PGD: variants seen among roughly 807,000 people sequenced by gnomAD.
PGD encodes the protein phosphogluconate dehydrogenase.
Under a neutral mutation model 60.4 loss-of-function variants are expected in PGD, and 21 were observed. That is an observed-to-expected ratio of 0.35 (90% confidence interval 0.25 to 0.50). The LOEUF (loss-of-function observed/expected upper bound fraction) is 0.50, where lower values mean the gene tolerates loss of function less well. PGD is among the 20% of genes least tolerant of loss of function. The pLI is 0.98. For missense variants in PGD, 477 were observed against 613.1 expected, an observed-to-expected ratio of 0.78 and a Z score of 2.34; for synonymous variants, 230 against 235.9, an observed-to-expected ratio of 0.97 and a Z score of 0.23.
At chr1:10,412,601 A>C (rs1639517842) in intron 7 of PGD, among the ~76,000 whole-genome samples, 1 of 152,238 alleles carries the variant, frequency 6.6e-6, no homozygotes, top group South Asian at 2.1e-4. Flanking sequence ...CGAGTGCTTT[A>C]CTATATGCCA....
rs142347855 is a variant in PGD at position 10,420,339 on chromosome 1, A to G, written c.*590A>G. Reference sequence around the variant, plus strand: ...ACACTGGGCATGTTTTCTTTCTCCAATTGGGCAATGGGTACATGGACGTTC... The same window carrying G: ...ACACTGGGCATGTTTTCTTTCTCCAGTTGGGCAATGGGTACATGGACGTTC... On this transcript the variant is annotated 3_prime_UTR_variant, in exon 13 of 13. Transcript: ENST00000270776. Among the ~76,000 whole-genome samples, 642 of 149,934 alleles carry G rather than the reference A, an allele frequency of 4.3e-3. 1 individual carries two copies. Among genetic ancestry groups the G allele is most frequent in the Middle Eastern group, 0.014 (4 of 284 alleles).
chr1:10,408,574 T>TG lies in PGD; in HGVS notation c.519+437dup. 2.6e-5 allele frequency among the ~76,000 whole-genome samples: 4 copies of TG among 152,264 alleles called. No individual in the cohort carries two copies. In the East Asian group the frequency reaches 7.7e-4, roughly 29 times the overall value. Reference sequence around the variant, plus strand: ...GTGGAAAATTCCCCATCCTGTAGTGTGGGATTCAGGCATTCTGTGCTTGAA... The same window carrying TG: ...GTGGAAAATTCCCCATCCTGTAGTGTGGGGATTCAGGCATTCTGTGCTTGAA... On this transcript the variant is annotated intron_variant, in intron 6 of 12. Transcript: ENST00000270776.
chr1:10,399,613 G>A lies in PGD; in HGVS notation c.9-16G>A. On this transcript the variant is annotated splice_polypyrimidine_tract_variant and intron_variant, in intron 1 of 12. Coordinates refer to ENST00000270776, the MANE Select transcript of PGD (RefSeq NM_002631.4). ...CGGTGCTGACTCTTTCCTTTGTTCT[G>A]TTTCTGCCTCTCTAGAGCTGACATC... 6.2e-7 allele frequency: 1 copy of A among 1,612,174 alleles called. No homozygotes were observed. The highest frequency in any genetic ancestry group is 8.5e-7 in the Non-Finnish European group (1 of 1,179,100).
At chr1:10,419,385 C>G (rs1639650258) in intron 11 of PGD, 32 bp from the exon 12 acceptor site, 1 of 1,602,682 alleles carries the variant, frequency 6.2e-7, no homozygotes, top group Non-Finnish European at 8.5e-7. Context: ...AGGGGCAGAT[C>G]ACTAATCTCT....
chr1:10,417,605 T>C, intron 10 of PGD, 96 bp downstream of exon 10: 1 of 1,279,818 alleles, frequency 7.8e-7, no homozygotes, highest in Non-Finnish European at 1.1e-6. Context: ...TTTCCAGGGA[T>C]GGGCACTTAG....
intron 3 of PGD, among the ~76,000 whole-genome samples, chr1:10,401,664 T>C (rs1639318177): frequency 6.6e-6 from 1 of 152,194 alleles, no homozygotes; most frequent in East Asian, 1.9e-4. Context: ...TATTCTTCAG[T>C]ATAGGAAAAT....
chr1:10,419,337 AC>A, intron 11 of PGD, 79 bp from the exon 12 acceptor site: 1 of 1,539,762 alleles, frequency 6.5e-7, no homozygotes, highest in African/African-American at 1.4e-5. Context: ...TTTTTCATTT[AC>A]CCACATTGAT....
chr1:10,403,590 G>GA (rs71583866), intron 4 of PGD, among the ~76,000 whole-genome samples: 942 of 67,044 alleles, frequency 0.014, 36 homozygotes, highest in African/African-American at 0.038. Flanking sequence ...AACTCCATCT[G>GA]AAAAAAAAAA....
intron 8 of PGD, among the ~76,000 whole-genome samples, chr1:10,414,524 G>T (rs956381493): frequency 4.0e-5 from 6 of 151,766 alleles, no homozygotes; most frequent in African/African-American, 1.5e-4. Context: ...ACAGGCATGC[G>T]CTACCATGCC....
intron 7 of PGD, among the ~76,000 whole-genome samples, chr1:10,412,527 ATTC>A (rs2124205559): frequency 1.3e-5 from 2 of 152,284 alleles, no homozygotes; most frequent in Non-Finnish European, 2.9e-5. Flanking sequence ...AAACAGTGCT[ATTC>A]TTTTTGTGTT....
intron 3 of PGD, among the ~76,000 whole-genome samples, chr1:10,401,275 A>G (rs921881951): frequency 1.2e-4 from 18 of 152,226 alleles, no homozygotes; most frequent in African/African-American, 3.6e-4. Flanking sequence ...GTACCAAACA[A>G]TTTGTTGGCT....
rs1004318398 is a variant in PGD at position 10,399,538 on chromosome 1, G to A, written c.9-91G>A. ...GCGCGGAGGAAAGTGCAGACTCCCA[G>A]TCACGGCCAAATGTGGAAGGACCGG... On this transcript the variant is annotated intron_variant, in intron 1 of 12. Transcript: ENST00000270776. 6.1e-5 allele frequency: 73 copies of A among 1,202,106 alleles called. No homozygotes were observed. The Admixed American group carries it at 1.2e-3, about 20-fold the overall frequency. The allele number at this position is 1,202,106 out of a possible 1,614,324, so 74.5% of individuals were successfully genotyped here.
At chr1:10,402,399 C>G (rs766003344) in intron 3 of PGD, among the ~76,000 whole-genome samples, 10 of 151,760 alleles carry the variant, frequency 6.6e-5, no homozygotes, top group Non-Finnish European at 1.3e-4. Context: ...GTGTGCAGCT[C>G]TGGCCACAGA....
intron 8 of PGD, among the ~76,000 whole-genome samples, chr1:10,416,207 C>T (rs576568639): frequency 1.3e-5 from 2 of 152,286 alleles, no homozygotes; most frequent in East Asian, 3.9e-4. Flanking sequence ...GATCCTCCCA[C>T]CTCAGCCTGC....
At position 10,399,720 on chromosome 1, in the gene PGD, G is replaced by A. The variant is rs769909729; in HGVS notation, c.84+16G>A. 2 of 1,612,296 alleles carry A rather than the reference G, an allele frequency of 1.2e-6. No homozygotes were observed. Among genetic ancestry groups the A allele is most frequent in the Admixed American group, 1.7e-5 (1 of 60,024 alleles). The stretch of plus-strand genomic sequence containing the variant: ...CGGCTTTGTGGTAAGCGGCGTGGGC[G>A]CGTTGTCTTCTCTCTGGTTCCCGGG... On this transcript the variant is annotated intron_variant, in intron 2 of 12. Coordinates refer to ENST00000270776, the MANE Select transcript of PGD (RefSeq NM_002631.4).
chr1:10,412,602 C>A (rs778067786), intron 7 of PGD, among the ~76,000 whole-genome samples: 1 of 152,190 alleles, frequency 6.6e-6, no homozygotes, highest in South Asian at 2.1e-4. Context: ...GAGTGCTTTA[C>A]TATATGCCAA....
chr1:10,418,974 A>G, intron 11 of PGD, 49 bp downstream of exon 11: 2 of 1,019,608 alleles, frequency 2.0e-6, no homozygotes, highest in Non-Finnish European at 3.0e-6. Context: ...CCCTGGGGCC[A>G]TCAGTTGTGA....
chr1:10,410,457 A>G (rs1639481124), intron 6 of PGD, among the ~76,000 whole-genome samples: 1 of 151,884 alleles, frequency 6.6e-6, no homozygotes, highest in Admixed American at 6.6e-5. Context: ...AAAAAAAGAA[A>G]CACGGACAAT....
rs201564087 is a variant in PGD, at chr1:10,419,607, C to T, written c.1333-23C>T. 4.3e-5 allele frequency: 69 copies of T among 1,614,100 alleles called. No homozygotes were observed. The Admixed American group carries it at 6.2e-4, about 14-fold the overall frequency. ...GGCGTGCGCCATGGACTGTCCTGAC[C>T]AACCTACTCTCTCGTTTCCTAGGCT... On this transcript the variant is annotated intron_variant, in intron 12 of 12. Coordinates refer to ENST00000270776, the MANE Select transcript of PGD (RefSeq NM_002631.4).
Sources: gnomAD v4.1 joint callset for allele counts (sites outside exome capture counted in the v4.1 genomes callset) on GRCh38, gnomAD v4.1.1 for gene constraint, MANE v1.5 for transcripts, NCBI Gene and HGNC (gene_info 2026-07-23, HGNC 2026-07-21) for gene names.